Variants in GABRA3 observed in about 807,000 individuals in gnomAD.
GABRA3 encodes the protein gamma-aminobutyric acid type A receptor subunit alpha3, also known as gamma-aminobutyric acid receptor subunit alpha-3.
Under a neutral mutation model 30.1 loss-of-function variants are expected in GABRA3, and 10 were observed. The observed-to-expected ratio is 0.33, with a 90% CI of 0.20 to 0.56. The LOEUF (loss-of-function observed/expected upper bound fraction) is 0.56, where lower values mean the gene tolerates loss of function less well. Among genes scored for constraint, GABRA3 ranks in the 20% least tolerant of loss-of-function variants. The pLI is 0.89. For synonymous variants in GABRA3, 151 were observed against 146.8 expected, an observed-to-expected ratio of 1.03 and a Z score of -0.21; for missense variants, 233 against 392.0, an observed-to-expected ratio of 0.59 and a Z score of 3.42.
chrX:152,401,983 T>C (rs910494805), intron 1 of GABRA3, among the ~76,000 whole-genome samples: 10 of 111,843 alleles, frequency 8.9e-5, no homozygotes, highest in African/African-American at 2.9e-4. Flanking sequence ...GCTTCCTCCT[T>C]CTTCAGCTCA....
chrX:152,235,748 T>A (rs1938189657), intron 5 of GABRA3, among the ~76,000 whole-genome samples: 1 of 111,334 alleles, frequency 9.0e-6, no homozygotes, highest in Non-Finnish European at 1.9e-5. Context: ...GTTCATGGAT[T>A]GAAAGAATTC....
intron 1 of GABRA3, among the ~76,000 whole-genome samples, chrX:152,378,595 G>A (rs1175174960): frequency 1.8e-5 from 2 of 110,304 alleles, no homozygotes; most frequent in Non-Finnish European, 3.8e-5. Flanking sequence ...ACACACAAAA[G>A]GAAAATGAAC....
chrX:152,387,268 G>A (rs1929348508), intron 1 of GABRA3, among the ~76,000 whole-genome samples: 2 of 110,361 alleles, frequency 1.8e-5, no homozygotes, highest in Non-Finnish European at 3.8e-5. Flanking sequence ...TGCACATTGT[G>A]CACATGTACC....
chrX:152,318,599 C>G (rs1285707257), intron 3 of GABRA3, among the ~76,000 whole-genome samples: 1 of 111,592 alleles, frequency 9.0e-6, no homozygotes, highest in Non-Finnish European at 1.9e-5. Flanking sequence ...TAACCAAATC[C>G]AACAGCTTAT....
At chrX:152,339,204 G>A (rs1225500555) in intron 3 of GABRA3, among the ~76,000 whole-genome samples, 3 of 110,313 alleles carry the variant, frequency 2.7e-5, no homozygotes, top group South Asian at 3.9e-4. Flanking sequence ...ACATAAAGTC[G>A]GGAAAGAACA....
At chrX:152,270,257 C>T (rs1410119422) in intron 4 of GABRA3, among the ~76,000 whole-genome samples, 2 of 110,888 alleles carry the variant, frequency 1.8e-5, no homozygotes, top group Non-Finnish European at 3.8e-5. Context: ...AGAGGCTTTC[C>T]CCCCCTTTAC....
chrX:152,416,237 C>CA, intron 1 of GABRA3, among the ~76,000 whole-genome samples: 1 of 96,659 alleles, frequency 1.0e-5, no homozygotes, highest in East Asian at 3.2e-4. Context: ...AACAGACAAA[C>CA]AGAGAGCCAA....
chrX:152,224,734 A>G (rs79178961), intron 6 of GABRA3, 29 bp downstream of exon 6: 1 of 1,037,491 alleles, frequency 9.6e-7, no homozygotes, highest in Non-Finnish European at 1.3e-6. Flanking sequence ...CAAAAAAAAA[A>G]GACAGAGAGA....
chrX:152,288,177 G>T (rs1438178556), intron 3 of GABRA3, among the ~76,000 whole-genome samples: 3 of 111,597 alleles, frequency 2.7e-5, no homozygotes. Context: ...CCAGGCAAAA[G>T]CAGGGATATT....
chrX:152,277,850 C>T (rs1273594743), intron 4 of GABRA3, among the ~76,000 whole-genome samples: 1 of 111,848 alleles, frequency 8.9e-6, no homozygotes, highest in Non-Finnish European at 1.9e-5. Flanking sequence ...GCTTGAATGG[C>T]TTCAACTCTC....
rs1013151312 is a variant in GABRA3, at chrX:152,369,908, T to C, written c.-26-5312A>G. ...TGGTATTGTAACTAAGTCACATTCC[T>C]AAATGAGGAAAATTGGTTAAGAAGG... On this transcript the variant is annotated intron_variant, in intron 1 of 9. Transcript: ENST00000370314. Among the ~76,000 whole-genome samples, 9 of 111,773 alleles carry C rather than the reference T, an allele frequency of 8.1e-5. No homozygotes were observed. In the Admixed American group the frequency reaches 8.5e-4, roughly 11 times the overall value.
chrX:152,332,859 T>G (rs931928685), intron 3 of GABRA3, among the ~76,000 whole-genome samples: 11 of 112,362 alleles, frequency 9.8e-5, no homozygotes, highest in African/African-American at 3.5e-4. Flanking sequence ...ATTTTAAAAT[T>G]TTATGGTCAA....
At chrX:152,232,562 A>G (rs1035010507) in intron 5 of GABRA3, among the ~76,000 whole-genome samples, 9 of 109,322 alleles carry the variant, frequency 8.2e-5, no homozygotes, top group African/African-American at 2.3e-4. Flanking sequence ...ACGACCTCCA[A>G]TTGCATCCAT....
intron 4 of GABRA3, among the ~76,000 whole-genome samples, chrX:152,280,301 T>C (rs1206842949): frequency 9.0e-6 from 1 of 111,554 alleles, no homozygotes; most frequent in East Asian, 2.8e-4. Context: ...ATATTGCATC[T>C]GCAATGCCAT....
chrX:152,235,237 G>A (rs1172470252), intron 5 of GABRA3, among the ~76,000 whole-genome samples: 1 of 111,525 alleles, frequency 9.0e-6, no homozygotes, highest in Non-Finnish European at 1.9e-5. Flanking sequence ...AAATGAGCTT[G>A]CATTCTTGAC....
At chrX:152,289,801 A>G (rs1939368724) in intron 3 of GABRA3, among the ~76,000 whole-genome samples, 1 of 111,151 alleles carries the variant, frequency 9.0e-6, no homozygotes, top group Admixed American at 9.6e-5. Flanking sequence ...TTTGCTCAGA[A>G]TGACGGTTTC....
chrX:152,253,559 A>G (rs1367925981), intron 5 of GABRA3, among the ~76,000 whole-genome samples: 2 of 111,984 alleles, frequency 1.8e-5, no homozygotes, highest in Non-Finnish European at 3.8e-5. Flanking sequence ...GATTTCCTTA[A>G]CATATCGTCA....
intron 2 of GABRA3, among the ~76,000 whole-genome samples, chrX:152,360,715 AAAAAAAAAATT>A (rs1461324542): frequency 8.7e-5 from 7 of 80,332 alleles, no homozygotes; most frequent in Non-Finnish European, 1.2e-4. Flanking sequence ...AAAAAATTAA[AAAAAAAAAATT>A]AAAAAAAAAA....
chrX:152,396,489 C>T (rs1443997374), intron 1 of GABRA3, among the ~76,000 whole-genome samples: 1 of 111,595 alleles, frequency 9.0e-6, no homozygotes, highest in Non-Finnish European at 1.9e-5. Context: ...TGTAGTTTTA[C>T]CACCTGAACA....
Sources: allele counts gnomAD v4.1 joint callset (sites outside exome capture counted in the v4.1 genomes callset), GRCh38; gene constraint gnomAD v4.1.1; transcripts MANE v1.5; gene names NCBI Gene and HGNC (gene_info 2026-07-23, HGNC 2026-07-21).